Variants in NRG3 observed in about 807,000 individuals in gnomAD.
NRG3 encodes pro-neuregulin-3, membrane-bound isoform.
A neutral mutation model predicts 66.9 loss-of-function variants in NRG3; 31 were observed. The observed-to-expected ratio is 0.46, with a 90% confidence interval of 0.35 to 0.63. The LOEUF (loss-of-function observed/expected upper bound fraction) is 0.63. Among genes scored for constraint, NRG3 ranks in the 20% least tolerant of loss-of-function variants. The pLI, the probability that NRG3 is intolerant of heterozygous loss-of-function variation, is 0.00. For missense variants in NRG3, 910 were observed against 878.9 expected (o/e 1.04, Z -0.45); for synonymous variants, 393 against 359.4 (o/e 1.09, Z -1.06).
chr10:82,309,027 C>A (rs991114739), intron 1 of NRG3, among the ~76,000 whole-genome samples: 1 of 152,170 alleles, frequency 6.6e-6, no homozygotes, highest in Non-Finnish European at 1.5e-5. Flanking sequence ...CAGGTATACT[C>A]ATATGGAATG....
At position 82,985,629 on chromosome 10, in the gene NRG3, T is replaced by C; in HGVS notation, c.*24T>C. The stretch of plus-strand genomic sequence containing the variant: ...GACTTGAGATGTAGGAATCTGTGCA[T>C]TCTATGCTTTGCTCAACAGGAAAGA... On this transcript the variant is annotated 3_prime_UTR_variant, in exon 9 of 9. Coordinates refer to ENST00000372141, the MANE Select transcript of NRG3 (RefSeq NM_001010848.4). 6.3e-7 allele frequency: 1 copy of C among 1,588,792 alleles called. No homozygotes were observed. Among genetic ancestry groups the C allele is most frequent in the Non-Finnish European group, 8.5e-7 (1 of 1,172,510 alleles).
intron 3 of NRG3, among the ~76,000 whole-genome samples, chr10:82,773,760 G>A (rs1246804651): frequency 6.6e-6 from 1 of 152,134 alleles, no homozygotes; most frequent in Non-Finnish European, 1.5e-5. Context: ...AGTGGCAAGA[G>A]TGGGCATCTC....
chr10:81,912,897 ATGTATTGTGAC>A (rs1408148490), intron 1 of NRG3, among the ~76,000 whole-genome samples: 1 of 152,176 alleles, frequency 6.6e-6, no homozygotes, highest in East Asian at 1.9e-4. Flanking sequence ...GTTTAACTTA[ATGTATTGTGAC>A]TGTCTTTCTG....
chr10:82,673,055 A>G (rs904141461), intron 2 of NRG3, among the ~76,000 whole-genome samples: 2 of 152,140 alleles, frequency 1.3e-5, no homozygotes, highest in Non-Finnish European at 2.9e-5. Flanking sequence ...CCAGCCCTTC[A>G]TGGGTTTTCT....
chr10:81,982,546 A>G (rs886969736), intron 1 of NRG3, among the ~76,000 whole-genome samples: 1 of 152,198 alleles, frequency 6.6e-6, no homozygotes, highest in African/African-American at 2.4e-5. Context: ...AGACAACAAA[A>G]ATGTATTTTC....
intron 3 of NRG3, among the ~76,000 whole-genome samples, chr10:82,740,030 T>C (rs1176869654): frequency 1.3e-5 from 2 of 151,898 alleles, no homozygotes; most frequent in East Asian, 1.9e-4. Flanking sequence ...CTTTTCCTAA[T>C]GTATCTAGTT....
intron 2 of NRG3, among the ~76,000 whole-genome samples, chr10:82,673,289 A>T (rs2053432850): frequency 1.3e-5 from 2 of 152,204 alleles, no homozygotes. Context: ...TACTTTTTAA[A>T]TTCATCTTTC....
intron 1 of NRG3, among the ~76,000 whole-genome samples, chr10:82,044,137 G>A (rs1030208587): frequency 1.5e-5 from 2 of 132,172 alleles, no homozygotes; most frequent in Non-Finnish European, 3.3e-5. Context: ...AATATGGTGA[G>A]CTAACCGAGA....
chr10:82,711,335 C>T (rs140472395), intron 2 of NRG3, among the ~76,000 whole-genome samples: 392 of 152,242 alleles, frequency 2.6e-3, no homozygotes, highest in African/African-American at 9.1e-3. Flanking sequence ...TTTCCTCTCA[C>T]CTTTGCCTCC....
rs1412995529 is a variant in NRG3 at position 82,724,432 on chromosome 10, C to G, written c.954-14145C>G. On this transcript the variant is annotated intron_variant, in intron 2 of 8. Transcript: ENST00000372141. ...TGTGAATTCTGATCAAAGCTGCCCA[C>G]TTCCTTTAGCCGGCAGAAATGCTGC... Among the ~76,000 whole-genome samples the G allele has an allele frequency of 4.6e-5, 7 of 152,302 alleles. No homozygotes were observed. The East Asian group carries it at 7.7e-4, about 17-fold the overall frequency.
In NRG3 at chr10:81,878,297, T is replaced by G. The variant is rs1425435122; in HGVS notation, c.823+2134T>G. ...CTTAGTTTCAGCTCTTTCTCTTTTTTAAACCTTTACAAGAAGTTGAATTAA... is the reference window on the plus strand; with the variant it reads ...CTTAGTTTCAGCTCTTTCTCTTTTTGAAACCTTTACAAGAAGTTGAATTAA... On this transcript the variant is annotated intron_variant, in intron 1 of 8. Coordinates refer to ENST00000372141, the MANE Select transcript of NRG3 (RefSeq NM_001010848.4). 3.3e-5 allele frequency among the ~76,000 whole-genome samples: 5 copies of G among 152,356 alleles called. No homozygotes were observed. The East Asian group carries it at 9.7e-4, about 29-fold the overall frequency.
intron 1 of NRG3, among the ~76,000 whole-genome samples, chr10:82,085,656 G>A (rs1564547531): frequency 1.3e-5 from 2 of 151,476 alleles, no homozygotes; most frequent in African/African-American, 2.4e-5. Flanking sequence ...TTCTTTTTGA[G>A]ATGGAGTTTC....
At chr10:82,342,502 C>T (rs1459044059) in intron 1 of NRG3, among the ~76,000 whole-genome samples, 1 of 151,976 alleles carries the variant, frequency 6.6e-6, no homozygotes, top group African/African-American at 2.4e-5. Context: ...TTTTAATTTG[C>T]ATTTATCTGA....
chr10:82,519,382 C>G (rs1230636228), intron 2 of NRG3, among the ~76,000 whole-genome samples: 1 of 152,164 alleles, frequency 6.6e-6, no homozygotes, highest in Non-Finnish European at 1.5e-5. Flanking sequence ...CCCAACCAAC[C>G]TTAAAAGTCA....
At chr10:82,206,615 A>G (rs2075130586) in intron 1 of NRG3, among the ~76,000 whole-genome samples, 1 of 152,030 alleles carries the variant, frequency 6.6e-6, no homozygotes, top group Admixed American at 6.6e-5. Flanking sequence ...TCTGCTTTCC[A>G]TTTGGCTTTC....
intron 2 of NRG3, among the ~76,000 whole-genome samples, chr10:82,731,235 C>T (rs899634623): frequency 3.3e-5 from 5 of 151,842 alleles, no homozygotes; most frequent in African/African-American, 1.2e-4. Flanking sequence ...GGCATGGTGG[C>T]ACATGCATGT....
intron 1 of NRG3, among the ~76,000 whole-genome samples, chr10:82,172,948 A>G (rs530673297): frequency 6.6e-5 from 10 of 152,258 alleles, no homozygotes; most frequent in African/African-American, 1.9e-4. Context: ...TAGAATGTAT[A>G]AAAATCAACA....
intron 2 of NRG3, among the ~76,000 whole-genome samples, chr10:82,665,201 G>C (rs1021537557): frequency 1.3e-5 from 2 of 152,122 alleles, no homozygotes; most frequent in Non-Finnish European, 2.9e-5. Context: ...TGCCCCTTCT[G>C]TTCCTCATGT....
At chr10:81,974,726 C>G (rs908286042) in intron 1 of NRG3, among the ~76,000 whole-genome samples, 1 of 151,988 alleles carries the variant, frequency 6.6e-6, no homozygotes, top group Non-Finnish European at 1.5e-5. Context: ...CAAAAAGTCA[C>G]GCATCTATAC....
Sources: allele counts gnomAD v4.1 joint callset (sites outside exome capture counted in the v4.1 genomes callset), GRCh38; gene constraint gnomAD v4.1.1; transcripts MANE v1.5; gene names NCBI Gene and HGNC (gene_info 2026-07-23, HGNC 2026-07-21).